DLG2: variants seen among roughly 807,000 people sequenced by gnomAD.
DLG2 encodes the protein discs large MAGUK scaffold protein 2.
A neutral mutation model predicts 132.5 loss-of-function variants in DLG2; 45 were observed. The observed-to-expected ratio is 0.34, with a 90% CI of 0.27 to 0.44. The LOEUF (loss-of-function observed/expected upper bound fraction) is 0.44, where lower values mean the gene tolerates loss of function less well. Among genes scored for constraint, DLG2 ranks in the 20% least tolerant of loss-of-function variants. The pLI is 1.00. For missense variants in DLG2, 1,045 were observed against 1,196.9 expected (o/e 0.87, Z 1.87); for synonymous variants, 424 against 419.6 (o/e 1.01, Z -0.13).
At chr11:83,975,763 T>C (rs2154170243) in intron 12 of DLG2, among the ~76,000 whole-genome samples, 1 of 152,106 alleles carries the variant, frequency 6.6e-6, no homozygotes, top group African/African-American at 2.4e-5. Flanking sequence ...AAGACATAGC[T>C]CTTTCAAACA....
At chr11:84,477,430 G>C (rs1397798608) in intron 7 of DLG2, among the ~76,000 whole-genome samples, 3 of 152,046 alleles carry the variant, frequency 2.0e-5, no homozygotes, top group Non-Finnish European at 4.4e-5. Context: ...AGGAGGCAGA[G>C]GTTGCAGTGA....
intron 17 of DLG2, among the ~76,000 whole-genome samples, chr11:83,787,407 C>T (rs7936832): frequency 0.15 from 21,868 of 145,968 alleles, 1,692 homozygotes; most frequent in South Asian, 0.23. Flanking sequence ...CTGCAAGCTC[C>T]GCCTCCCGGG....
chr11:84,225,299 A>C (rs571731356), intron 8 of DLG2, among the ~76,000 whole-genome samples: 1 of 152,346 alleles, frequency 6.6e-6, no homozygotes, highest in South Asian at 2.1e-4. Flanking sequence ...CTAAGTAGAC[A>C]AACATGCATA....
chr11:84,891,046 G>A (rs2154063780), intron 6 of DLG2: 1 of 152,186 alleles, frequency 6.6e-6, no homozygotes, highest in South Asian at 2.1e-4. Context: ...CCCTCACCCG[G>A]GTTCCCAGAA....
chr11:83,816,636 A>G (rs2049016849), intron 17 of DLG2, among the ~76,000 whole-genome samples: 1 of 152,186 alleles, frequency 6.6e-6, no homozygotes, highest in African/African-American at 2.4e-5. Flanking sequence ...GGTAATTATA[A>G]CTACTAAACC....
chr11:83,784,887 T>G (rs1054417781), intron 18 of DLG2, among the ~76,000 whole-genome samples: 3 of 152,142 alleles, frequency 2.0e-5, no homozygotes, highest in Non-Finnish European at 2.9e-5. Flanking sequence ...AATGGGGACA[T>G]TTATGTTGCA....
At chr11:84,685,564 C>T (rs2099737392) in intron 6 of DLG2, among the ~76,000 whole-genome samples, 1 of 152,192 alleles carries the variant, frequency 6.6e-6, no homozygotes, top group Non-Finnish European at 1.5e-5. Flanking sequence ...CACTCCTGTT[C>T]TAATGAGCTT....
intron 3 of DLG2, among the ~76,000 whole-genome samples, chr11:85,515,477 C>T (rs530787618): frequency 6.6e-6 from 1 of 152,028 alleles, no homozygotes; most frequent in South Asian, 2.1e-4. Context: ...ATTTTGTAAA[C>T]CTCTTAGTCT....
intron 6 of DLG2, among the ~76,000 whole-genome samples, chr11:84,563,580 G>T (rs2099436692): frequency 6.6e-6 from 1 of 152,206 alleles, no homozygotes; most frequent in Non-Finnish European, 1.5e-5. Context: ...TGGCACAGCT[G>T]CCAGGTGAGG....
chr11:84,228,740 A>C (rs1315869863), intron 8 of DLG2, among the ~76,000 whole-genome samples: 1 of 152,270 alleles, frequency 6.6e-6, no homozygotes, highest in Non-Finnish European at 1.5e-5. Context: ...AAAAATTTAA[A>C]GGACTACCCT....
At chr11:83,762,771 C>T (rs567446839) in intron 18 of DLG2, among the ~76,000 whole-genome samples, 1 of 151,926 alleles carries the variant, frequency 6.6e-6, no homozygotes, top group Non-Finnish European at 1.5e-5. Flanking sequence ...TTAGTAGAGA[C>T]GGGGTTTCAC....
chr11:84,614,606 T>C (rs2099600869), intron 6 of DLG2, among the ~76,000 whole-genome samples: 1 of 152,220 alleles, frequency 6.6e-6, no homozygotes, highest in Non-Finnish European at 1.5e-5. Flanking sequence ...ACCAGTTGTC[T>C]TGGAGTCAGA....
At chr11:84,437,702 G>A (rs779289412) in intron 7 of DLG2, 10 of 152,244 alleles carry the variant, frequency 6.6e-5, no homozygotes, top group Admixed American at 4.6e-4. Flanking sequence ...GGAGGTCCGG[G>A]TGAGGCAGGC....
chr11:85,342,873 G>A (rs1696325821), intron 3 of DLG2, among the ~76,000 whole-genome samples: 1 of 152,166 alleles, frequency 6.6e-6, no homozygotes. Context: ...TATGTAAGGT[G>A]TGTAATAAAG....
chr11:85,126,355 T>C (rs1330724735), intron 5 of DLG2, among the ~76,000 whole-genome samples: 3 of 152,208 alleles, frequency 2.0e-5, no homozygotes, highest in Admixed American at 2.0e-4. Flanking sequence ...AATAGGTTGC[T>C]GAGAGTGATG....
At chr11:84,802,328 A>G (rs548189627) in intron 6 of DLG2, among the ~76,000 whole-genome samples, 1 of 152,240 alleles carries the variant, frequency 6.6e-6, no homozygotes, top group South Asian at 2.1e-4. Flanking sequence ...ATGATAGGTT[A>G]GGGGAATTAA....
intron 7 of DLG2, among the ~76,000 whole-genome samples, chr11:84,304,181 A>G (rs2098189061): frequency 3.3e-5 from 5 of 152,166 alleles, no homozygotes; most frequent in Admixed American, 3.3e-4. Context: ...CTTGGCCCCA[A>G]ATCATAATTT....
At chr11:83,897,938 G>A (rs2072257107) in intron 15 of DLG2, among the ~76,000 whole-genome samples, 1 of 152,112 alleles carries the variant, frequency 6.6e-6, no homozygotes, top group Admixed American at 6.6e-5. Context: ...TGAAGAAACT[G>A]AGGCTTGGAA....
chr11:84,878,675 GCACAT>G (rs1172692224), intron 6 of DLG2, among the ~76,000 whole-genome samples: 2 of 152,026 alleles, frequency 1.3e-5, no homozygotes, highest in Non-Finnish European at 2.9e-5. Flanking sequence ...TGCACGTTCT[GCACAT>G]GTATACCAGA....
Sources: allele counts gnomAD v4.1 joint callset (sites outside exome capture counted in the v4.1 genomes callset), GRCh38; gene constraint gnomAD v4.1.1; transcripts MANE v1.5; gene names NCBI Gene and HGNC (gene_info 2026-07-23, HGNC 2026-07-21).